CFAP43: variants seen among roughly 807,000 people sequenced by gnomAD.
CFAP43 encodes the protein cilia and flagella associated protein 43, also known as cilia- and flagella-associated protein 43.
A neutral mutation model predicts 218.9 loss-of-function variants in CFAP43; 155 were observed. The observed-to-expected ratio is 0.71, with a 90% CI of 0.62 to 0.81. CFAP43 has a LOEUF of 0.81. Ranked by LOEUF, CFAP43 falls within the 30% of genes least tolerant of loss-of-function variation. The probability of loss-of-function intolerance (pLI) is 0.00; values close to 1 mark genes in which losing one functional copy is unlikely to be tolerated. For missense variants in CFAP43, 1,778 were observed against 1,954.3 expected (o/e 0.91, Z 1.70); for synonymous variants, 645 against 681.3 (o/e 0.95, Z 0.83).
intron 33 of CFAP43, 71 bp from the exon 34 acceptor site, chr10:104,141,072 AAAAAT>A: frequency 6.9e-7 from 1 of 1,456,784 alleles, no homozygotes; most frequent in Non-Finnish European, 9.3e-7. Flanking sequence ...CTGAGAATAT[AAAAAT>A]CGAATCAGCT....
At chr10:104,214,852 G>A (rs1445540047) in intron 3 of CFAP43, among the ~76,000 whole-genome samples, 1 of 152,146 alleles carries the variant, frequency 6.6e-6, no homozygotes, top group Non-Finnish European at 1.5e-5. Context: ...TAAAATTAAA[G>A]TGGTGCCAGG....
chr10:104,164,727 G>T (rs1360261198), intron 23 of CFAP43, among the ~76,000 whole-genome samples: 1 of 152,176 alleles, frequency 6.6e-6, no homozygotes, highest in Non-Finnish European at 1.5e-5. Context: ...AAGGTAAAAT[G>T]AATCTTTCTA....
intron 27 of CFAP43, among the ~76,000 whole-genome samples, chr10:104,155,586 G>A (rs907683444): frequency 2.6e-5 from 4 of 152,164 alleles, no homozygotes. Flanking sequence ...GCCAGGAGGT[G>A]ATAAGTACTA....
chr10:104,191,596 CT>C (rs2090218479), intron 12 of CFAP43, among the ~76,000 whole-genome samples: 1 of 152,100 alleles, frequency 6.6e-6, no homozygotes, highest in South Asian at 2.1e-4. Context: ...TTTTCCTCCT[CT>C]ACTAAATTGT....
intron 34 of CFAP43, among the ~76,000 whole-genome samples, chr10:104,136,861 G>A (rs1165361038): frequency 6.6e-6 from 1 of 152,158 alleles, no homozygotes; most frequent in South Asian, 2.1e-4. Flanking sequence ...ACAAGCATAT[G>A]AAAAGATGCT....
Position 104,179,213 on chromosome 10 carries a change from A to G in CFAP43, c.2383-107T>C, listed in dbSNP as rs73333214. 869 of 911,564 alleles carry G rather than the reference A, an allele frequency of 9.5e-4. 2 individuals are homozygous for G. The highest frequency in any genetic ancestry group is 6.7e-3 in the African/African-American group (400 of 60,032). The allele number at this position is 911,564 out of a possible 1,614,324, so 56.5% of individuals were successfully genotyped here. ...TCTAGAAACAGAAACTAAAATTTGTAAAGACTAATATAAAGTGTACATGAA... is the reference window on the plus strand; with the variant it reads ...TCTAGAAACAGAAACTAAAATTTGTGAAGACTAATATAAAGTGTACATGAA... On this transcript the variant is annotated intron_variant, in intron 18 of 37. Coordinates refer to ENST00000357060, the MANE Select transcript of CFAP43 (RefSeq NM_025145.7).
intron 3 of CFAP43, among the ~76,000 whole-genome samples, chr10:104,214,669 T>C (rs182534053): frequency 5.4e-4 from 82 of 152,354 alleles, no homozygotes; most frequent in Non-Finnish European, 1.1e-3. Flanking sequence ...CTATTTTATC[T>C]TCTTTAATAA....
At chr10:104,169,723 T>C (rs2089327694) in intron 20 of CFAP43, among the ~76,000 whole-genome samples, 3 of 152,186 alleles carry the variant, frequency 2.0e-5, no homozygotes, top group Admixed American at 2.0e-4. Flanking sequence ...TATTTTATTG[T>C]CTGATTAAAT....
chr10:104,152,468 A>T, intron 28 of CFAP43, 139 bp downstream of exon 28: 1 of 1,185,208 alleles, frequency 8.4e-7, no homozygotes, highest in Non-Finnish European at 1.2e-6. Context: ...GAAGGTGCAC[A>T]AGATGAGACT....
In CFAP43 at chr10:104,214,389, G is replaced by A; in HGVS notation, c.454C>T (p.Gln152Ter). Residue 152 changes from glutamine (Q) to a stop codon, truncating the protein, a stop_gained, in exon 4 of 38, where the codon CAG (glutamine) becomes TAG (stop). Transcript: ENST00000357060. LOFTEE classifies it high-confidence loss of function. Reference sequence around the variant, plus strand: ...ATTTGGTTCACATCCATTCCAGGCTGTGATTTCTTACACAAAATGATACTC... The same window carrying A: ...ATTTGGTTCACATCCATTCCAGGCTATGATTTCTTACACAAAATGATACTC... ...ESSIILCKKSQPGMDVNQMSF... is the reference protein window; with the variant it reads ...ESSIILCKKS 1 of 1,602,946 alleles carries A rather than the reference G, an allele frequency of 6.2e-7. No individual in the cohort carries two copies. Among genetic ancestry groups the A allele is most frequent in the Non-Finnish European group, 8.5e-7 (1 of 1,174,462 alleles).
chr10:104,167,754 C>A lies in CFAP43; in HGVS notation c.2692-17G>T. ...ATGAAAACACTTGGGGAAAAAAACG[C>A]AAGACAAAATAAATCCATTTGTAGT... is the stretch of plus-strand genomic sequence containing the variant. On this transcript the variant is annotated splice_polypyrimidine_tract_variant and intron_variant, in intron 21 of 37. Coordinates refer to ENST00000357060, the MANE Select transcript of CFAP43 (RefSeq NM_025145.7). 1 of 1,574,112 alleles carries A rather than the reference C, an allele frequency of 6.4e-7. No homozygotes were observed. Among genetic ancestry groups the A allele is most frequent in the Non-Finnish European group, 8.6e-7 (1 of 1,156,830 alleles).
intron 27 of CFAP43, among the ~76,000 whole-genome samples, chr10:104,155,382 T>C (rs1418291892): frequency 6.6e-6 from 1 of 152,162 alleles, no homozygotes; most frequent in South Asian, 2.1e-4. Context: ...ATCTGGTGGG[T>C]ACCAGTGGCT....
rs749715801 is a variant in CFAP43, at chr10:104,166,676, T to G, written c.2851A>C (p.Ile951Leu). Residue 951 changes from isoleucine (I) to leucine (L), a missense_variant, in exon 23 of 38, where the codon ATT becomes CTT. Physicochemically the swap from Ile to Leu is conservative, Grantham distance 5. This residue lies in a region of CFAP43 where 1,553 missense variants were observed against 1,685.2 expected (regional missense o/e 0.92). Transcript: ENST00000357060. ...TCATCCTCTTCATGACGCTGTTTAATCAACTTAACTCCAGACTGAGCCTCT... is the reference window on the plus strand; with the variant it reads ...TCATCCTCTTCATGACGCTGTTTAAGCAACTTAACTCCAGACTGAGCCTCT... ...IVEAQSGVKLIKQRHEEDDEE... is the reference protein window; with the variant it reads ...IVEAQSGVKLLKQRHEEDDEE... 4 of 1,613,826 alleles carry G rather than the reference T, an allele frequency of 2.5e-6. No individual in the cohort carries two copies. Among genetic ancestry groups the G allele is most frequent in the East Asian group, 4.5e-5 (2 of 44,868 alleles).
chr10:104,132,812 CAA>C (rs1228727026), intron 35 of CFAP43: 1 of 982,866 alleles, frequency 1.0e-6, no homozygotes, highest in African/African-American at 1.8e-5. Context: ...CCCACATTAA[CAA>C]AGTCCTAGTT....
chr10:104,221,114 T>G (rs185125746), intron 3 of CFAP43, among the ~76,000 whole-genome samples: 163 of 152,306 alleles, frequency 1.1e-3, no homozygotes, highest in Middle Eastern at 0.01. Flanking sequence ...TAGCTGGGAT[T>G]ACAGGCACCC....
intron 3 of CFAP43, among the ~76,000 whole-genome samples, chr10:104,217,491 T>C (rs373103630): frequency 7.0e-4 from 107 of 152,320 alleles, no homozygotes; most frequent in African/African-American, 2.5e-3. Flanking sequence ...ATCACTGAAT[T>C]TTCTCTACAG....
chr10:104,173,480 G>A (rs2089493504), intron 19 of CFAP43, among the ~76,000 whole-genome samples: 1 of 152,136 alleles, frequency 6.6e-6, no homozygotes, highest in African/African-American at 2.4e-5. Flanking sequence ...AGCTGGGGGT[G>A]CTGCATCAGA....
chr10:104,158,032 T>G (rs1251928661), intron 27 of CFAP43, among the ~76,000 whole-genome samples: 1 of 152,074 alleles, frequency 6.6e-6, no homozygotes, highest in African/African-American at 2.4e-5. Context: ...CCGAACACTT[T>G]GAACAACAGA....
chr10:104,159,953 T>C (rs2088787348), intron 27 of CFAP43, among the ~76,000 whole-genome samples: 1 of 151,968 alleles, frequency 6.6e-6, no homozygotes, highest in South Asian at 2.1e-4. Context: ...AGGGGAAAAA[T>C]GGAGTAGCAT....
Sources: gnomAD v4.1 joint callset for allele counts (sites outside exome capture counted in the v4.1 genomes callset) on GRCh38, gnomAD v4.1.1 for gene constraint, gnomAD v4.1.1 regional missense constraint, MANE v1.5 for transcripts, NCBI Gene and HGNC (gene_info 2026-07-23, HGNC 2026-07-21) for gene names.